Variants in ELN observed in about 807,000 individuals in gnomAD.
The protein encoded by ELN is elastin.
A neutral mutation model predicts 105.8 loss-of-function variants in ELN; 65 were observed. The ratio of observed to expected loss-of-function variants is 0.61; its 90% CI spans 0.50 to 0.75. The LOEUF is 0.75. Ranked by LOEUF, ELN falls within the 30% of genes least tolerant of loss-of-function variation. ELN has a pLI of 0.00. For missense variants in ELN, 882 were observed against 969.4 expected, an observed-to-expected ratio of 0.91 and a Z score of 1.20; for synonymous variants, 368 against 389.2, an observed-to-expected ratio of 0.95 and a Z score of 0.64.
At chr7:74,055,943 C>T (rs565178292) in intron 19 of ELN, among the ~76,000 whole-genome samples, 2 of 151,640 alleles carry the variant, frequency 1.3e-5, no homozygotes, top group East Asian at 1.9e-4. Context: ...CCCGCCACCA[C>T]GCCCGGCTAA....
At chr7:74,056,154 T>C in intron 19 of ELN, 117 bp from the exon 20 acceptor site, 1 of 1,412,868 alleles carries the variant, frequency 7.1e-7, no homozygotes, top group Admixed American at 1.7e-5. Context: ...TTCTGTCTTT[T>C]ATGGACAAGG....
intron 1 of ELN, among the ~76,000 whole-genome samples, chr7:74,033,505 C>A (rs1789167527): frequency 6.6e-6 from 1 of 152,244 alleles, no homozygotes; most frequent in Non-Finnish European, 1.5e-5. Context: ...CAGGCCCAGC[C>A]CCCCTGGGGC....
chr7:74,051,965 G>T lies in ELN; in HGVS notation c.931G>T (p.Ala311Ser), dbSNP rs41376344. ...TGCAGCTGCAGCTGCAGCAGCAGCCGCTAAGGCAGCCAAGTATGGTGAGTG... is the reference window on the plus strand; with the variant it reads ...TGCAGCTGCAGCTGCAGCAGCAGCCTCTAAGGCAGCCAAGTATGGTGAGTG... Reference protein sequence around the residue: ...PAAAAAAAAAAKAAKYGAAAG... With the variant: ...PAAAAAAAAASKAAKYGAAAG... Residue 311 changes from alanine (A) to serine (S), a missense_variant, in exon 17 of 33, where the codon GCT (alanine) becomes TCT (serine). Coordinates refer to ENST00000252034, the MANE Select transcript of ELN (RefSeq NM_000501.4). The T allele has an allele frequency of 6.2e-7, 1 of 1,613,572 alleles. No individual in the cohort carries two copies. The highest frequency in any genetic ancestry group is 8.5e-7 in the Non-Finnish European group (1 of 1,180,026).
intron 15 of ELN, among the ~76,000 whole-genome samples, chr7:74,051,166 C>T (rs1383892799): frequency 6.6e-6 from 1 of 152,186 alleles, no homozygotes; most frequent in Non-Finnish European, 1.5e-5. Flanking sequence ...AGTCCTCCTT[C>T]ATCCTCAGCC....
intron 9 of ELN, 131 bp from the exon 10 acceptor site, chr7:74,045,091 C>G (rs1020973471): frequency 2.5e-5 from 24 of 976,990 alleles, no homozygotes; most frequent in Non-Finnish European, 3.9e-5. Flanking sequence ...TCTCCACCCA[C>G]CCCGTGAGCC....
At chr7:74,034,398 G>A (rs782502484) in intron 1 of ELN, among the ~76,000 whole-genome samples, 16 of 152,156 alleles carry the variant, frequency 1.1e-4, no homozygotes, top group Non-Finnish European at 2.1e-4. Context: ...GGGAGAACCA[G>A]GTAACACAGC....
chr7:74,062,764 T>C (rs1380355313), intron 26 of ELN, among the ~76,000 whole-genome samples: 1 of 152,190 alleles, frequency 6.6e-6, no homozygotes, highest in African/African-American at 2.4e-5. Context: ...TTGGCCAGGC[T>C]GGTCTCAAAC....
rs189538818 is a variant in ELN, at chr7:74,046,733, A to T, written c.609A>T (p.Pro203=). ...GPFGGPQPGV[P]LGYPIKAPKL... Reference sequence around the variant, plus strand: ...TTGGGGGACCGCAACCTGGAGTCCCACTGGGGTATCCCATCAAGGCCCCCA... The same window carrying T: ...TTGGGGGACCGCAACCTGGAGTCCCTCTGGGGTATCCCATCAAGGCCCCCA... Residue 203 remains proline (P), a synonymous_variant, in exon 12 of 33, where the codon CCA becomes CCT. Transcript: ENST00000252034. 1 of 1,614,216 alleles carries T rather than the reference A, an allele frequency of 6.2e-7. No individual in the cohort carries two copies. Among genetic ancestry groups the T allele is most frequent in the Non-Finnish European group, 8.5e-7 (1 of 1,180,022 alleles).
chr7:74,058,342 T>A (rs1207811851), intron 22 of ELN, among the ~76,000 whole-genome samples: 1 of 151,280 alleles, frequency 6.6e-6, no homozygotes, highest in Admixed American at 6.6e-5. Flanking sequence ...CTTTTCCTCC[T>A]TCTTCTTTCT....
chr7:74,065,089 G>A (rs1466885344), intron 29 of ELN, among the ~76,000 whole-genome samples: 1 of 151,754 alleles, frequency 6.6e-6, no homozygotes. Context: ...CCACCTCTAC[G>A]AAATATTTAA....
chr7:74,060,389 G>A lies in ELN; in HGVS notation c.1635G>A (p.Gly545=), dbSNP rs2132318189. The change falls in exon 25 of 33, where the codon GGG becomes GGA. Residue 545 remains glycine (G), a synonymous_variant. Transcript: ENST00000252034. Reference sequence around the variant, plus strand: ...CTCTGTCTGCAGGAGCTGCAGCTGGGCTTGGTGCTGGCATCCCTGGACTTG... The same window carrying A: ...CTCTGTCTGCAGGAGCTGCAGCTGGACTTGGTGCTGGCATCCCTGGACTTG... ...AAKAQLRAAA[G]LGAGIPGLGV... 1.2e-6 allele frequency: 2 copies of A among 1,614,134 alleles called. No homozygotes were observed. Among genetic ancestry groups the A allele is most frequent in the Non-Finnish European group, 1.7e-6 (2 of 1,180,046 alleles).
At chr7:74,056,489 G>C in intron 20 of ELN, 54 bp downstream of exon 20, 1 of 1,611,502 alleles carries the variant, frequency 6.2e-7, no homozygotes, top group Non-Finnish European at 8.5e-7. Flanking sequence ...GGGGCTTCTT[G>C]TCTGCTCGGC....
intron 18 of ELN, among the ~76,000 whole-genome samples, chr7:74,054,278 G>A (rs1475415271): frequency 6.6e-6 from 1 of 152,090 alleles, no homozygotes; most frequent in Non-Finnish European, 1.5e-5. Flanking sequence ...GACCAGCCTG[G>A]CCAATATGGT....
In ELN at chr7:74,060,629, C is replaced by T. The variant is rs782063493; in HGVS notation, c.1747+128C>T. The T allele has an allele frequency of 4.0e-5, 63 of 1,561,760 alleles. 2 individuals carry two copies. The South Asian group carries it at 6.2e-4, about 15-fold the overall frequency. ...CATAGTAAAATCCTTGTTAGGTTCT[C>T]CTAAGCATCTGGGGGTAACAGATAG... On this transcript the variant is annotated intron_variant, in intron 25 of 32. Transcript: ENST00000252034.
chr7:74,066,847 A>G, intron 32 of ELN, 71 bp downstream of exon 32: 1 of 1,543,312 alleles, frequency 6.5e-7, no homozygotes, highest in Admixed American at 1.7e-5. Context: ...CTCCTGTGCC[A>G]TCTCCTGCTC....
At position 74,035,227 on chromosome 7, in the gene ELN, A is replaced by G. The variant is rs961028715; in HGVS notation, c.83-137A>G. 5 of 822,408 alleles carry G rather than the reference A, an allele frequency of 6.1e-6. No individual in the cohort carries two copies. In the Admixed American group the frequency reaches 6.1e-5, roughly 10 times the overall value. The allele number at this position is 822,408 out of a possible 1,614,324, so 50.9% of individuals were successfully genotyped here. A position where few individuals can be genotyped will look rare whatever the true frequency, so the allele number is the denominator to read the frequency against. On this transcript the variant is annotated intron_variant, in intron 1 of 32. Transcript: ENST00000252034. The stretch of plus-strand genomic sequence containing the variant: ...TGCTCTGGAGACAAGCAATGTCATT[A>G]TTGCCATCAGCATTATTCTTGTTTC...
chr7:74,054,470 C>CA lies in ELN; in HGVS notation c.1097-231dup, dbSNP rs113505500. Among the ~76,000 whole-genome samples the CA allele has an allele frequency of 0.067, 5,995 of 89,278 alleles. 163 individuals are homozygous for CA. Among genetic ancestry groups the CA allele is most frequent in the Middle Eastern group, 0.17 (26 of 150 alleles). 58.6% of individuals were successfully genotyped at this position (89,278 alleles called of 152,430 possible). A position where few individuals can be genotyped will look rare whatever the true frequency, so the allele number is the denominator to read the frequency against. ...GGGTGACAAGATTGAGACTCCATCT[C>CA]AAAAAAAAAAAAAAAGACAAATGGA... On this transcript the variant is annotated intron_variant, in intron 18 of 32. Transcript: ENST00000252034.
At chr7:74,050,373 T>C (rs1456060815) in intron 15 of ELN, among the ~76,000 whole-genome samples, 6 of 121,934 alleles carry the variant, frequency 4.9e-5, no homozygotes, top group Non-Finnish European at 7.0e-5. Flanking sequence ...ATCCATCCAT[T>C]TACCCATCCA....
intron 15 of ELN, 146 bp downstream of exon 15, chr7:74,048,702 C>T: frequency 1.1e-6 from 1 of 874,208 alleles, no homozygotes; most frequent in Non-Finnish European, 1.8e-6. Flanking sequence ...TCTATCCCTC[C>T]CTCCAACCAT....
Sources: allele counts gnomAD v4.1 joint callset (sites outside exome capture counted in the v4.1 genomes callset), GRCh38; gene constraint gnomAD v4.1.1; transcripts MANE v1.5; gene names NCBI Gene and HGNC (gene_info 2026-07-23, HGNC 2026-07-21).